The following COL13A1 variants were observed in gnomAD, a reference collection of about 807,000 sequenced individuals.
COL13A1 encodes collagen type XIII alpha 1 chain, also known as collagen alpha-1(XIII) chain.
COL13A1 carries 89 observed loss-of-function variants against 130.9 expected under a neutral mutation model. That is an observed-to-expected ratio of 0.68 (90% CI 0.57 to 0.81). The LOEUF (loss-of-function observed/expected upper bound fraction) is 0.81, where lower values mean the gene tolerates loss of function less well. COL13A1 is among the 30% of genes least tolerant of loss of function. The probability of loss-of-function intolerance (pLI) is 0.00; values close to 1 mark genes in which losing one functional copy is unlikely to be tolerated. For synonymous variants in COL13A1, 402 were observed against 341.6 expected (o/e 1.18, Z -1.95); for missense variants, 879 against 934.6 (o/e 0.94, Z 0.78).
rs769104992 is a variant in COL13A1, at chr10:69,957,058, G to A, written c.2184+16G>A. 1 of 1,609,460 alleles carries A rather than the reference G, an allele frequency of 6.2e-7. No homozygotes were observed. The highest frequency in any genetic ancestry group is 1.7e-5 in the Admixed American group (1 of 60,010). The stretch of plus-strand genomic sequence containing the variant: ...CTGGAACAAGGTAAGGCTTCCCATT[G>A]GTGTGCACTGGGGCTCCGTTCTCAG... On this transcript the variant is annotated intron_variant, in intron 40 of 40. Transcript: ENST00000645393.
chr10:69,913,546 T>A (rs1288367244), intron 17 of COL13A1, among the ~76,000 whole-genome samples: 1 of 152,100 alleles, frequency 6.6e-6, no homozygotes, highest in Non-Finnish European at 1.5e-5. Context: ...CAAGGAACAG[T>A]CCTCTGAACA....
chr10:69,804,006 G>C (rs541795626), intron 1 of COL13A1, among the ~76,000 whole-genome samples: 2 of 152,094 alleles, frequency 1.3e-5, no homozygotes, highest in South Asian at 2.1e-4. Context: ...CAGAGAGAGC[G>C]GTCACAGGGC....
intron 7 of COL13A1, 83 bp downstream of exon 7, chr10:69,880,636 C>G (rs2060040082): frequency 1.4e-6 from 2 of 1,447,804 alleles, no homozygotes; most frequent in Admixed American, 1.8e-5. Context: ...GATGAGGGGA[C>G]AGCGAGGGCG....
At chr10:69,919,624 C>T in intron 20 of COL13A1, 41 bp from the exon 21 acceptor site, 1 of 398,812 alleles carries the variant, frequency 2.5e-6, no homozygotes, top group Non-Finnish European at 4.4e-6. Context: ...TCACTGCCTG[C>T]CCCATCTTCT....
chr10:69,844,806 C>T (rs1036547816), intron 2 of COL13A1, among the ~76,000 whole-genome samples: 13 of 152,228 alleles, frequency 8.5e-5, no homozygotes, highest in African/African-American at 3.1e-4. Flanking sequence ...TGAATGCAAA[C>T]TGGAGAGGGT....
chr10:69,951,526 G>A (rs1396407963), intron 38 of COL13A1, among the ~76,000 whole-genome samples: 2 of 151,934 alleles, frequency 1.3e-5, no homozygotes, highest in East Asian at 3.9e-4. Context: ...CACCACACCC[G>A]ACTAATTTTT....
intron 3 of COL13A1, among the ~76,000 whole-genome samples, chr10:69,871,734 G>T (rs2134074744): frequency 6.6e-6 from 1 of 152,294 alleles, no homozygotes; most frequent in Non-Finnish European, 1.5e-5. Context: ...AGAAACCAAG[G>T]CCAGCCCCAT....
intron 2 of COL13A1, among the ~76,000 whole-genome samples, chr10:69,835,957 T>G (rs150332383): frequency 4.1e-4 from 62 of 152,350 alleles, no homozygotes; most frequent in African/African-American, 1.4e-3. Context: ...TCCATTTCCA[T>G]AGAAGACTGG....
chr10:69,854,510 C>T (rs1855846368), intron 2 of COL13A1, among the ~76,000 whole-genome samples: 1 of 151,770 alleles, frequency 6.6e-6, no homozygotes, highest in South Asian at 2.1e-4. Flanking sequence ...GAGGTTGTGG[C>T]TGCAGGGAAC....
intron 2 of COL13A1, among the ~76,000 whole-genome samples, chr10:69,822,709 AT>A (rs1469730503): frequency 2.0e-5 from 3 of 152,188 alleles, no homozygotes; most frequent in African/African-American, 7.2e-5. Context: ...GGATAAGATG[AT>A]GGGCATGACT....
In COL13A1 at chr10:69,925,840, G is replaced by A; in HGVS notation, c.1366G>A (p.Asp456Asn). The A allele has an allele frequency of 6.2e-7, 1 of 1,600,348 alleles. No individual in the cohort carries two copies. Among genetic ancestry groups the A allele is most frequent in the Non-Finnish European group, 8.5e-7 (1 of 1,173,568 alleles). The change falls in exon 26 of 41, where the codon GAT (aspartate) becomes AAT (asparagine). Residue 456 changes from aspartate to asparagine, a missense_variant. This residue lies in a region of COL13A1 where 715 missense variants were observed against 721.0 expected (regional missense o/e 0.99). Coordinates refer to ENST00000645393, the MANE Select transcript of COL13A1 (RefSeq NM_001368882.1). ...KGEPGKGEMV[D>N]YNGNINEALQ... ...AGAACCAGGGAAAGGAGAGATGGTG[G>A]ATTACAATGGAAACATCAATGAGGC... is the stretch of plus-strand genomic sequence containing the variant.
chr10:69,956,824 G>T, intron 39 of COL13A1, 180 bp from the exon 40 acceptor site: 1 of 601,554 alleles, frequency 1.7e-6, no homozygotes, highest in Non-Finnish European at 3.1e-6. Context: ...AAAATAGCCG[G>T]ATTTGTTTCC....
At chr10:69,861,594 TG>T (rs1482424690) in intron 2 of COL13A1, among the ~76,000 whole-genome samples, 1 of 152,180 alleles carries the variant, frequency 6.6e-6, no homozygotes, top group Non-Finnish European at 1.5e-5. Flanking sequence ...CAGTCCTGCC[TG>T]ATTAGTTAGA....
chr10:69,937,811 G>C, intron 34 of COL13A1, 96 bp downstream of exon 34: 1 of 669,564 alleles, frequency 1.5e-6, no homozygotes, highest in Non-Finnish European at 2.7e-6. Flanking sequence ...AGGTTCTAGA[G>C]TCTGAGCATC....
chr10:69,849,521 C>A (rs1345192744), intron 2 of COL13A1, among the ~76,000 whole-genome samples: 1 of 152,220 alleles, frequency 6.6e-6, no homozygotes, highest in Non-Finnish European at 1.5e-5. Flanking sequence ...TTTTTAAGAA[C>A]AAGAGAGGAT....
At chr10:69,916,909 G>A (rs925791435) in intron 17 of COL13A1, among the ~76,000 whole-genome samples, 5 of 152,166 alleles carry the variant, frequency 3.3e-5, no homozygotes, top group African/African-American at 9.7e-5. Flanking sequence ...CAGAGGGAAG[G>A]TGTGCAGTAG....
intron 1 of COL13A1, among the ~76,000 whole-genome samples, chr10:69,805,302 A>G (rs144060695): frequency 9.1e-4 from 139 of 152,282 alleles, no homozygotes; most frequent in African/African-American, 3.1e-3. Flanking sequence ...AGAGGGGACA[A>G]TGAATGGGGG....
intron 1 of COL13A1, among the ~76,000 whole-genome samples, chr10:69,812,660 T>C (rs769000617): frequency 5.3e-5 from 8 of 152,210 alleles, no homozygotes; most frequent in Non-Finnish European, 7.3e-5. Flanking sequence ...TCCTCGCTCA[T>C]GTAATGGGTT....
chr10:69,909,724 T>C (rs2063164582), intron 17 of COL13A1, among the ~76,000 whole-genome samples: 2 of 152,232 alleles, frequency 1.3e-5, no homozygotes, highest in African/African-American at 4.8e-5. Context: ...AGCAGATATC[T>C]TGACCCCCAG....
Sources: allele counts gnomAD v4.1 joint callset (sites outside exome capture counted in the v4.1 genomes callset), GRCh38; gene constraint gnomAD v4.1.1; regional missense constraint gnomAD v4.1.1; transcripts MANE v1.5; gene names NCBI Gene and HGNC (gene_info 2026-07-23, HGNC 2026-07-21).